The following DENND2B variants were observed in gnomAD, a reference collection of about 807,000 sequenced individuals.
The protein encoded by DENND2B is DENN domain containing 2B.
In DENND2B, 32 loss-of-function variants were observed where a neutral mutation model predicts 116.0. The ratio of observed to expected loss-of-function variants is 0.28; its 90% CI spans 0.21 to 0.37. DENND2B has a LOEUF of 0.37. DENND2B is among the 10% of genes least tolerant of loss of function. DENND2B has a pLI of 1.00. For synonymous variants in DENND2B, 588 were observed against 583.9 expected (o/e 1.01, Z -0.10); for missense variants, 1,276 against 1,477.7 (o/e 0.86, Z 2.24).
At chr11:8,899,763 T>C (rs2064142125) in intron 1 of DENND2B, among the ~76,000 whole-genome samples, 1 of 152,246 alleles carries the variant, frequency 6.6e-6, no homozygotes, top group Non-Finnish European at 1.5e-5. Flanking sequence ...GAGAGGAATG[T>C]AGAACATCAG....
intron 3 of DENND2B, among the ~76,000 whole-genome samples, chr11:8,854,798 TTC>T (rs1486180384): frequency 2.4e-4 from 37 of 152,068 alleles, no homozygotes; most frequent in Non-Finnish European, 4.3e-4. Context: ...CTGCAACCTC[TTC>T]CACCCAGGTT....
intron 1 of DENND2B, among the ~76,000 whole-genome samples, chr11:8,764,651 C>A (rs1276823602): frequency 1.3e-5 from 2 of 152,260 alleles, no homozygotes; most frequent in South Asian, 2.1e-4. Context: ...TACACCCCTG[C>A]AGCCCCACTC....
intron 2 of DENND2B, among the ~76,000 whole-genome samples, chr11:8,877,027 C>T (rs1594329969): frequency 6.6e-6 from 1 of 151,596 alleles, no homozygotes; most frequent in South Asian, 2.1e-4. Context: ...AAGGCTCATC[C>T]AACCTGGATG....
At chr11:8,713,525 G>A (rs901206427) in intron 8 of DENND2B, among the ~76,000 whole-genome samples, 28 of 152,122 alleles carry the variant, frequency 1.8e-4, no homozygotes, top group Non-Finnish European at 3.5e-4. Context: ...TATTACACGC[G>A]CCCGCCACCG....
At chr11:8,883,130 C>T (rs1266497030) in intron 1 of DENND2B, among the ~76,000 whole-genome samples, 1 of 152,188 alleles carries the variant, frequency 6.6e-6, no homozygotes, top group East Asian at 1.9e-4. Context: ...TCTGCTCACC[C>T]AGATGGGTAC....
chr11:8,718,037 G>A (rs2045282142), intron 4 of DENND2B, 145 bp from the exon 5 acceptor site: 2 of 843,680 alleles, frequency 2.4e-6, no homozygotes, highest in Non-Finnish European at 3.6e-6. Flanking sequence ...TCATGCAGCT[G>A]CCCGTCTGCA....
In DENND2B at chr11:8,707,869, G is replaced by C. The variant is rs1220791068; in HGVS notation, c.2353-15C>G. ...TTCCCACTTGGCTGGGCCAGGACAA[G>C]GAGGAGGAGGAGAGAGACAGACACA... On this transcript the variant is annotated splice_polypyrimidine_tract_variant and intron_variant, in intron 11 of 19. Transcript: ENST00000313726. This position sits in a 1 kb window ranked among gnomAD's most constrained non-coding sequence, Gnocchi z 4.8. The C allele has an allele frequency of 6.3e-7, 1 of 1,585,406 alleles. No homozygotes were observed. The highest frequency in any genetic ancestry group is 1.1e-5 in the South Asian group (1 of 88,012).
chr11:8,780,062 G>A (rs2058223637), intron 1 of DENND2B, among the ~76,000 whole-genome samples: 1 of 152,168 alleles, frequency 6.6e-6, no homozygotes, highest in South Asian at 2.1e-4. Flanking sequence ...GAGAAGGGGG[G>A]CAGTATGAAA....
At chr11:8,898,070 T>G (rs1485003343) in intron 1 of DENND2B, among the ~76,000 whole-genome samples, 2 of 152,184 alleles carry the variant, frequency 1.3e-5, no homozygotes, top group Non-Finnish European at 2.9e-5. Flanking sequence ...CATAGCCACA[T>G]GGCCTTGACT....
intron 3 of DENND2B, among the ~76,000 whole-genome samples, chr11:8,846,709 C>T (rs1057127595): frequency 3.3e-5 from 5 of 152,214 alleles, no homozygotes; most frequent in Non-Finnish European, 7.3e-5. Flanking sequence ...GTTCTCCATG[C>T]AGCCTCCTCA....
upstream of DENND2B, chr11:8,871,397 T>G (rs1176580050): frequency 6.6e-6 from 1 of 152,164 alleles, no homozygotes; most frequent in Non-Finnish European, 1.5e-5. Context: ...TCTGAAACTT[T>G]ATGTCATTTT....
At chr11:8,801,036 A>T (rs2060263679) in intron 1 of DENND2B, among the ~76,000 whole-genome samples, 3 of 149,256 alleles carry the variant, frequency 2.0e-5, no homozygotes, top group African/African-American at 7.4e-5. Flanking sequence ...GACATTTGCC[A>T]CTTCACTATC....
chr11:8,866,881 A>G (rs1053513371), intron 2 of DENND2B, among the ~76,000 whole-genome samples: 4 of 152,190 alleles, frequency 2.6e-5, no homozygotes, highest in Non-Finnish European at 5.9e-5. Flanking sequence ...TCACCTATCA[A>G]AACCCCATTC....
chr11:8,902,177 G>A (rs188739121), intron 1 of DENND2B, among the ~76,000 whole-genome samples: 3,525 of 152,028 alleles, frequency 0.023, 49 homozygotes, highest in Middle Eastern at 0.034. Flanking sequence ...AATACAAAAA[G>A]TAGCCGGGTG....
chr11:8,718,392 C>T (rs753939186), intron 4 of DENND2B: 31 of 1,534,938 alleles, frequency 2.0e-5, no homozygotes, highest in East Asian at 7.3e-5. Context: ...CTCACAGAAC[C>T]GTAGGGAGCA....
At chr11:8,881,743 G>A (rs750510446) in intron 1 of DENND2B, among the ~76,000 whole-genome samples, 3 of 152,122 alleles carry the variant, frequency 2.0e-5, no homozygotes, top group Non-Finnish European at 1.5e-5. Context: ...ATTTCACCAC[G>A]TTGGCCAGGC....
intron 16 of DENND2B, among the ~76,000 whole-genome samples, chr11:8,698,174 G>C (rs2040787445): frequency 8.0e-6 from 1 of 125,490 alleles, no homozygotes. Context: ...AAAGGGGGTA[G>C]AGCCAGTGTG....
intron 2 of DENND2B, among the ~76,000 whole-genome samples, chr11:8,740,591 A>C (rs183529322): frequency 6.6e-6 from 1 of 152,170 alleles, no homozygotes; most frequent in African/African-American, 2.4e-5. Flanking sequence ...GTAGTCCTGG[A>C]AACAGCCTGA....
intron 13 of DENND2B, among the ~76,000 whole-genome samples, chr11:8,705,465 C>G (rs1199057925): frequency 6.6e-6 from 1 of 152,198 alleles, no homozygotes; most frequent in African/African-American, 2.4e-5. Context: ...CAGCCCTCTC[C>G]TGAGTGTTCC....
Sources: allele counts gnomAD v4.1 joint callset (sites outside exome capture counted in the v4.1 genomes callset), GRCh38; gene constraint gnomAD v4.1.1; non-coding constraint Gnocchi (gnomAD v3.1); transcripts MANE v1.5; gene names NCBI Gene and HGNC (gene_info 2026-07-23, HGNC 2026-07-21).